PRR12: variants seen among roughly 807,000 people sequenced by gnomAD.
PRR12 encodes the protein proline rich 12.
Under a neutral mutation model 138.0 loss-of-function variants are expected in PRR12, and 12 were observed. The ratio of observed to expected loss-of-function variants is 0.09; its 90% CI spans 0.06 to 0.14. The LOEUF (loss-of-function observed/expected upper bound fraction) is 0.14, where lower values mean the gene tolerates loss of function less well. Ranked by LOEUF, PRR12 falls within the 10% of genes least tolerant of loss-of-function variation. The pLI is 1.00. For missense variants in PRR12, 2,692 were observed against 2,861.3 expected (o/e 0.94, Z 1.35); for synonymous variants, 1,567 against 1,291.7 (o/e 1.21, Z -4.57).
At chr19:49,601,954 G>A (rs1242768078) in intron 6 of PRR12, 36 bp downstream of exon 6, 1 of 1,594,882 alleles carries the variant, frequency 6.3e-7, no homozygotes, top group Non-Finnish European at 8.5e-7. Flanking sequence ...TGGGCCTGAT[G>A]GGTTTGGTCA....
intron 10 of PRR12, among the ~76,000 whole-genome samples, chr19:49,621,156 T>C (rs2080921084): frequency 1.0e-5 from 1 of 99,930 alleles, no homozygotes; most frequent in Non-Finnish European, 2.0e-5. Context: ...GGGTCTGGAC[T>C]CCTGGGTCTG....
intron 10 of PRR12, 69 bp from the exon 11 acceptor site, chr19:49,621,456 A>G: frequency 3.9e-6 from 5 of 1,270,330 alleles, no homozygotes; most frequent in East Asian, 5.0e-5. Context: ...CCCAGACTCC[A>G]TGACCCCACC....
In PRR12 at chr19:49,596,357, TGGG is replaced by T. The variant is rs36092578; in HGVS notation, c.2026_2028del (p.Gly676del). 14 of 1,607,274 alleles carry T rather than the reference TGGG, an allele frequency of 8.7e-6. No homozygotes were observed. The highest frequency in any genetic ancestry group is 1.3e-5 in the African/African-American group (1 of 74,242). On this transcript the variant is annotated inframe_deletion, in exon 4 of 14. Coordinates refer to ENST00000418929, the MANE Select transcript of PRR12 (RefSeq NM_020719.3). This position sits in a 1 kb window ranked among gnomAD's most constrained non-coding sequence, Gnocchi z 5.6. ...GGGCAGCAGATGCCTCTAAGGGACT[TGGG>T]GGGAGTGGCGGGGCCGGGGGACCAC...
At position 49,599,172 on chromosome 19, in the gene PRR12, A is replaced by G; in HGVS notation, c.3679-100A>G. 4.3e-6 allele frequency: 5 copies of G among 1,156,638 alleles called. No individual in the cohort carries two copies. In the Middle Eastern group the frequency reaches 1.2e-3, roughly 273 times the overall value. The allele number at this position is 1,156,638 out of a possible 1,614,324, so 71.6% of individuals were successfully genotyped here. On this transcript the variant is annotated intron_variant, in intron 4 of 13. Coordinates refer to ENST00000418929, the MANE Select transcript of PRR12 (RefSeq NM_020719.3). The surrounding 1 kb of genome is among the most constrained non-coding windows in gnomAD (Gnocchi z 5.0). ...GCAGGTTTGAATTCTATAAATTCAC[A>G]GGCTGAGCACCTGTAAATTTGGATT...
chr19:49,626,002 A>C lies in PRR12; in HGVS notation c.*395A>C, dbSNP rs917757180. 1.3e-5 allele frequency: 2 copies of C among 150,814 alleles called. No individual in the cohort carries two copies. The highest frequency in any genetic ancestry group is 5.1e-5 in the African/African-American group (2 of 39,026). 9.3% of individuals were successfully genotyped at this position (150,814 alleles called of 1,614,324 possible). The stretch of plus-strand genomic sequence containing the variant: ...TGGGGTGGCTTCAGAGAGCTGGGGG[A>C]CCCCTTCCCCCCAAGTCCCCCCTGC... On this transcript the variant is annotated 3_prime_UTR_variant, in exon 14 of 14. Transcript: ENST00000418929.
Position 49,601,484 on chromosome 19 carries a change from C to T in PRR12, c.4346-7C>T, listed in dbSNP as rs1355157928. On this transcript the variant is annotated splice_region_variant and splice_polypyrimidine_tract_variant and intron_variant, in intron 5 of 13. Coordinates refer to ENST00000418929, the MANE Select transcript of PRR12 (RefSeq NM_020719.3). ...ACATCCAGGCCTGATGTCCCTGTCT[C>T]CCCCAGAGCCCCCGCTGCTGGAGGA... 4.1e-6 allele frequency: 6 copies of T among 1,453,732 alleles called. No individual in the cohort carries two copies. Among genetic ancestry groups the T allele is most frequent in the African/African-American group, 1.4e-5 (1 of 70,892 alleles). The allele number at this position is 1,453,732 out of a possible 1,614,324, so 90.1% of individuals were successfully genotyped here. A position where few individuals can be genotyped will look rare whatever the true frequency, so the allele number is the denominator to read the frequency against.
At chr19:49,618,934 T>G (rs1004107824) in intron 9 of PRR12, among the ~76,000 whole-genome samples, 1 of 152,024 alleles carries the variant, frequency 6.6e-6, no homozygotes, top group Non-Finnish European at 1.5e-5. Flanking sequence ...TTCCCTGCTC[T>G]CAGCTCTCTC....
At chr19:49,623,524 C>T (rs868107685) in intron 11 of PRR12, among the ~76,000 whole-genome samples, 14 of 151,898 alleles carry the variant, frequency 9.2e-5, no homozygotes, top group Middle Eastern at 3.4e-3. Context: ...CCCAGCTACT[C>T]GCGAGGCTGA....
At chr19:49,624,424 G>GGGGT (rs2080943622) in intron 11 of PRR12, among the ~76,000 whole-genome samples, 1 of 150,648 alleles carries the variant, frequency 6.6e-6, no homozygotes, top group Non-Finnish European at 1.5e-5. Context: ...TGAGAATTCT[G>GGGGT]GGGTAGGTGG....
Position 49,595,358 on chromosome 19 carries a change from G to A in PRR12, c.1023G>A (p.Pro341=), listed in dbSNP as rs746984798. Residue 341 remains proline (P), a synonymous_variant, in exon 4 of 14, where the codon CCG becomes CCA. Coordinates refer to ENST00000418929, the MANE Select transcript of PRR12 (RefSeq NM_020719.3). The part of the protein sequence containing the change: ...CSPLGGGEPS[P]GAGEPSKAGP... ...CCCTGGGTGGTGGGGAGCCCTCCCC[G>A]GGTGCTGGGGAGCCTAGCAAGGCTG... The A allele has an allele frequency of 2.8e-5, 43 of 1,540,384 alleles. No individual in the cohort carries two copies. In the East Asian group the frequency reaches 3.2e-4, roughly 11 times the overall value.
intron 11 of PRR12, among the ~76,000 whole-genome samples, chr19:49,622,267 G>A (rs1215096691): frequency 3.3e-5 from 5 of 152,116 alleles, no homozygotes; most frequent in African/African-American, 1.2e-4. Flanking sequence ...GAGATGGCTG[G>A]TGGGAAGTTA....
chr19:49,602,442 T>G (rs2080817558), intron 6 of PRR12, among the ~76,000 whole-genome samples: 1 of 152,208 alleles, frequency 6.6e-6, no homozygotes, highest in Non-Finnish European at 1.5e-5. Flanking sequence ...CTTACACCTG[T>G]AATCTCAGCA....
At position 49,597,458 on chromosome 19, in the gene PRR12, C is replaced by CCCGCCT; in HGVS notation, c.3129_3134dup (p.Pro1048_Pro1049dup). ...GCCCCCACCAGGCGGCGCCACCACC[C>CCCGCCT]CCGCCTCCGCCACCGCCGCCTCCCG... On this transcript the variant is annotated inframe_insertion, in exon 4 of 14. Transcript: ENST00000418929. The surrounding 1 kb of genome is among the most constrained non-coding windows in gnomAD (Gnocchi z 6.3). 6.5e-7 allele frequency: 1 copy of CCCGCCT among 1,541,362 alleles called. No individual in the cohort carries two copies. Among genetic ancestry groups the CCCGCCT allele is most frequent in the Non-Finnish European group, 8.7e-7 (1 of 1,146,122 alleles).
At position 49,599,826 on chromosome 19, in the gene PRR12, T is replaced by A; in HGVS notation, c.4233T>A (p.Ala1411=). The change falls in exon 5 of 14, where the codon GCT becomes GCA. Residue 1411 remains alanine, a synonymous_variant. Coordinates refer to ENST00000418929, the MANE Select transcript of PRR12 (RefSeq NM_020719.3). The surrounding 1 kb of genome is among the most constrained non-coding windows in gnomAD (Gnocchi z 5.0). ...CTGCCCTCGATGACCCACCCCTTGC[T>A]GGGCCAAAAGACACTTCCACCCCAG... is the stretch of plus-strand genomic sequence containing the variant. ...AISALDDPPL[A]GPKDTSTPDG... 6.2e-7 allele frequency: 1 copy of A among 1,613,428 alleles called. No homozygotes were observed. Among genetic ancestry groups the A allele is most frequent in the Non-Finnish European group, 8.5e-7 (1 of 1,179,872 alleles).
In PRR12 at chr19:49,596,845, C is replaced by T; in HGVS notation, c.2510C>T (p.Pro837Leu). 6.3e-7 allele frequency: 1 copy of T among 1,575,450 alleles called. No homozygotes were observed. Among genetic ancestry groups the T allele is most frequent in the Non-Finnish European group, 8.6e-7 (1 of 1,163,804 alleles). Residue 837 changes from proline to leucine, a missense_variant, in exon 4 of 14, where the codon CCA becomes CTA. By Grantham distance (98) the Pro-to-Leu change is moderately conservative. This residue lies in a region of PRR12 where 840 missense variants were observed against 689.8 expected (regional missense o/e 1.22). Transcript: ENST00000418929. The surrounding 1 kb of genome is among the most constrained non-coding windows in gnomAD (Gnocchi z 5.6). ...ATRDGAPQPPPPPPPPPPPMP... is the reference protein window; with the variant it reads ...ATRDGAPQPPLPPPPPPPPMP... ...CGCGATGGGGCACCCCAGCCACCTC[C>T]ACCGCCACCCCCGCCTCCACCACCC... is the stretch of plus-strand genomic sequence containing the variant.
Position 49,596,726 on chromosome 19 carries a change from TC to T in PRR12, c.2398del (p.Gln800SerfsTer100). 9 of 1,595,870 alleles carry T rather than the reference TC, an allele frequency of 5.6e-6. No individual in the cohort carries two copies. Among genetic ancestry groups the T allele is most frequent in the Non-Finnish European group, 3.4e-6 (4 of 1,175,880 alleles). ...ACCTCCCACTGGTGCTGCCTCCGCC[TC>T]CCCCCCAGCTGCTCCCCTCGGTCCT... is the stretch of plus-strand genomic sequence containing the variant. ...PDLPLVLPPP[P>X]PQLLPSVLSH... On this transcript the variant is annotated frameshift_variant, in exon 4 of 14. Coordinates refer to ENST00000418929, the MANE Select transcript of PRR12 (RefSeq NM_020719.3). LOFTEE classifies it high-confidence loss of function. This position sits in a 1 kb window ranked among gnomAD's most constrained non-coding sequence, Gnocchi z 5.6.
rs764620481 is a variant in PRR12, at chr19:49,625,452, C to A, written c.5965-9C>A. On this transcript the variant is annotated splice_polypyrimidine_tract_variant and intron_variant, in intron 13 of 13. Transcript: ENST00000418929. The surrounding 1 kb of genome is among the most constrained non-coding windows in gnomAD (Gnocchi z 5.5). ...CCACCCTCCCCAGTGCCATGTTTGA[C>A]CCCTGCAGACCCTGGCCATCGAGGG... 6.3e-7 allele frequency: 1 copy of A among 1,598,992 alleles called. No homozygotes were observed. Among genetic ancestry groups the A allele is most frequent in the East Asian group, 2.2e-5 (1 of 44,502 alleles).
intron 6 of PRR12, among the ~76,000 whole-genome samples, chr19:49,602,508 A>G (rs183046655): frequency 6.1e-4 from 93 of 152,348 alleles, no homozygotes; most frequent in African/African-American, 2.0e-3. Context: ...CTCTCAAACA[A>G]ACAAAAAAAG....
Position 49,591,645 on chromosome 19 carries a change from C to A in PRR12, c.-10C>A. ...CTCCCCCTCCCCCCAATTTCCACCG[C>A]GGCCAATTCATGGACAGGAACTACC... On this transcript the variant is annotated 5_prime_UTR_variant, in exon 1 of 14. Coordinates refer to ENST00000418929, the MANE Select transcript of PRR12 (RefSeq NM_020719.3). 7.2e-7 allele frequency: 1 copy of A among 1,393,110 alleles called. No homozygotes were observed. The highest frequency in any genetic ancestry group is 2.1e-4 in the Middle Eastern group (1 of 4,712). The allele number at this position is 1,393,110 out of a possible 1,614,324, so 86.3% of individuals were successfully genotyped here. A position where few individuals can be genotyped will look rare whatever the true frequency, so the allele number is the denominator to read the frequency against.
Sources: gnomAD v4.1 joint callset for allele counts (sites outside exome capture counted in the v4.1 genomes callset) on GRCh38, gnomAD v4.1.1 for gene constraint, gnomAD v4.1.1 regional missense constraint, Gnocchi (gnomAD v3.1) non-coding constraint, MANE v1.5 for transcripts, NCBI Gene and HGNC (gene_info 2026-07-23, HGNC 2026-07-21) for gene names.